PRSS23: variants seen among roughly 807,000 people sequenced by gnomAD.
The protein encoded by PRSS23 is protease, serine 23.
PRSS23 carries 25 observed loss-of-function variants against 34.7 expected under a neutral mutation model. That is an observed-to-expected ratio of 0.72 (90% CI 0.53 to 1.01). The LOEUF is 1.01. Among genes scored for constraint, PRSS23 ranks in the 50% least tolerant of loss-of-function variants. The pLI is 0.00. For synonymous variants in PRSS23, 176 were observed against 186.6 expected (o/e 0.94, Z 0.46); for missense variants, 445 against 475.6 (o/e 0.94, Z 0.60).
chr11:86,877,141 C>T (rs1019916681), intron 2 of PRSS23, among the ~76,000 whole-genome samples: 5 of 152,176 alleles, frequency 3.3e-5, no homozygotes, highest in African/African-American at 9.7e-5. Flanking sequence ...TCATTCAGCC[C>T]TCTATTATGG....
At chr11:86,893,005 T>C (rs1565379082) in intron 2 of PRSS23, among the ~76,000 whole-genome samples, 1 of 152,096 alleles carries the variant, frequency 6.6e-6, no homozygotes, top group Non-Finnish European at 1.5e-5. Flanking sequence ...TAGGTAAAGA[T>C]CAAGATAAGA....
chr11:86,871,951 G>T (rs1416435601), intron 2 of PRSS23, among the ~76,000 whole-genome samples: 1 of 152,216 alleles, frequency 6.6e-6, no homozygotes, highest in Non-Finnish European at 1.5e-5. Flanking sequence ...TGCACACATA[G>T]GTTGGTAAAC....
chr11:86,828,214 C>G (rs1441119734), intron 2 of PRSS23, among the ~76,000 whole-genome samples: 2 of 152,200 alleles, frequency 1.3e-5, no homozygotes, highest in East Asian at 3.8e-4. Context: ...ATAGTTAGCT[C>G]TTCTTGTTGA....
intron 1 of PRSS23, among the ~76,000 whole-genome samples, chr11:86,801,297 A>T (rs1034269803): frequency 6.6e-6 from 1 of 152,218 alleles, no homozygotes; most frequent in Non-Finnish European, 1.5e-5. Context: ...TCACGAGTTA[A>T]CTTTTAAATA....
chr11:86,818,245 A>G (rs1244300614), intron 1 of PRSS23, among the ~76,000 whole-genome samples: 2 of 152,208 alleles, frequency 1.3e-5, no homozygotes, highest in African/African-American at 4.8e-5. Context: ...GTGTGATTTG[A>G]TTCATTTATA....
At chr11:86,829,885 T>G (rs58869389) in intron 2 of PRSS23, among the ~76,000 whole-genome samples, 1,937 of 152,314 alleles carry the variant, frequency 0.013, 34 homozygotes, top group African/African-American at 0.044. Context: ...GTGTGAGGTG[T>G]CAGTCTGCCC....
upstream of PRSS23, among the ~76,000 whole-genome samples, chr11:86,797,729 G>C (rs1947990463): frequency 1.3e-5 from 2 of 152,246 alleles, no homozygotes; most frequent in Admixed American, 6.5e-5. Context: ...GCAGAGCCAA[G>C]TGTGATAAAT....
intron 2 of PRSS23, among the ~76,000 whole-genome samples, chr11:86,833,628 T>C (rs577363160): frequency 6.6e-6 from 1 of 152,270 alleles, no homozygotes; most frequent in Admixed American, 6.5e-5. Flanking sequence ...TCTCAGGCCA[T>C]AGATGATTGG....
chr11:86,913,271 A>G (rs1948989517), intron 2 of PRSS23, among the ~76,000 whole-genome samples: 1 of 69,534 alleles, frequency 1.4e-5, no homozygotes, highest in African/African-American at 3.9e-5. Flanking sequence ...GTCTGCCCTC[A>G]GGCAAAAAAA....
intron 2 of PRSS23, among the ~76,000 whole-genome samples, chr11:86,841,320 C>G (rs1283995276): frequency 1.3e-5 from 1 of 75,286 alleles, no homozygotes; most frequent in African/African-American, 5.5e-5. Context: ...GCCTGGGCAA[C>G]AAGAGGGAAA....
At chr11:86,825,646 T>C (rs1258417563) in intron 2 of PRSS23, among the ~76,000 whole-genome samples, 5 of 151,884 alleles carry the variant, frequency 3.3e-5, no homozygotes, top group Admixed American at 2.6e-4. Flanking sequence ...CCATCTTGAA[T>C]TGATTTTTGT....
chr11:86,892,149 G>A (rs964412356), intron 2 of PRSS23: 1 of 152,182 alleles, frequency 6.6e-6, no homozygotes, highest in Non-Finnish European at 1.5e-5. Context: ...CCAACTAATG[G>A]GACAGGAGCT....
At chr11:86,930,318 T>C (rs1949115448) in intron 2 of PRSS23, among the ~76,000 whole-genome samples, 1 of 152,118 alleles carries the variant, frequency 6.6e-6, no homozygotes, top group African/African-American at 2.4e-5. Flanking sequence ...GAAATAAATA[T>C]ATGCAGTTTG....
chr11:86,888,117 T>TAAAAA (rs35019573), intron 2 of PRSS23, among the ~76,000 whole-genome samples: 1 of 98,808 alleles, frequency 1.0e-5, no homozygotes, highest in African/African-American at 3.9e-5. Context: ...TGGTTTTTTT[T>TAAAAA]AAAAAAAAAC....
exon 3 of PRSS23, chr11:86,951,829 C>T: frequency 1.9e-6 from 3 of 1,613,858 alleles, no homozygotes; most frequent in Non-Finnish European, 2.5e-6. Context: ...CAAAAAAGTA[C>T]ATCAGCAAGA....
chr11:86,797,213 G>T (rs963229189), upstream of PRSS23, among the ~76,000 whole-genome samples: 2 of 152,208 alleles, frequency 1.3e-5, no homozygotes, highest in Non-Finnish European at 2.9e-5. Flanking sequence ...TGAGGATTTC[G>T]GTTTTGGTTC....
intron 2 of PRSS23, among the ~76,000 whole-genome samples, chr11:86,893,080 GAGA>G (rs1565379104): frequency 2.0e-5 from 3 of 152,222 alleles, no homozygotes; most frequent in African/African-American, 7.2e-5. Context: ...AGGGCACAGA[GAGA>G]AGATGCTGTG....
At chr11:86,793,548 G>A (rs994872596) in intron 1 of PRSS23, among the ~76,000 whole-genome samples, 1 of 152,192 alleles carries the variant, frequency 6.6e-6, no homozygotes, top group African/African-American at 2.4e-5. Flanking sequence ...TTTGTTATCT[G>A]ACATGAACTG....
At chr11:86,799,465 T>C (rs1225208892), upstream of PRSS23, among the ~76,000 whole-genome samples, 1 of 152,162 alleles carries the variant, frequency 6.6e-6, no homozygotes, top group Non-Finnish European at 1.5e-5. Context: ...TACCATTCAG[T>C]AGCTGTGTGA....
Sources: gnomAD v4.1 joint callset for allele counts (sites outside exome capture counted in the v4.1 genomes callset) on GRCh38, gnomAD v4.1.1 for gene constraint, MANE v1.5 for transcripts, NCBI Gene and HGNC (gene_info 2026-07-23, HGNC 2026-07-21) for gene names.